Variants in VIT observed in about 807,000 individuals in gnomAD.
VIT encodes the protein vitrin.
Under a neutral mutation model 78.0 loss-of-function variants are expected in VIT, and 99 were observed. That is an observed-to-expected ratio of 1.27 (90% CI 1.08 to 1.50). The LOEUF (loss-of-function observed/expected upper bound fraction) is 1.50, where lower values mean the gene tolerates loss of function less well. Among genes scored for constraint, VIT ranks in the 40% most tolerant of loss-of-function variants. The pLI is 0.00. For missense variants in VIT, 1,126 were observed against 875.3 expected (o/e 1.29, Z -3.61); for synonymous variants, 374 against 334.3 (o/e 1.12, Z -1.29).
At chr2:36,740,006 T>A (rs1340714421) in intron 3 of VIT, among the ~76,000 whole-genome samples, 1 of 152,226 alleles carries the variant, frequency 6.6e-6, no homozygotes, top group Non-Finnish European at 1.5e-5. Context: ...GACACAGCAT[T>A]CCCCTCTGAC....
At chr2:36,759,547 C>T (rs1302773680) in intron 6 of VIT, 18 of 1,078,460 alleles carry the variant, frequency 1.7e-5, no homozygotes, top group Non-Finnish European at 1.9e-5. Context: ...AAGGGAGTAT[C>T]GGTAGACCTC....
intron 13 of VIT, among the ~76,000 whole-genome samples, chr2:36,804,656 C>G (rs543083371): frequency 6.6e-6 from 1 of 152,022 alleles, no homozygotes; most frequent in Admixed American, 6.6e-5. Flanking sequence ...ATGGTGAAAC[C>G]CCATCTCTAC....
intron 12 of VIT, among the ~76,000 whole-genome samples, chr2:36,798,125 T>C (rs1412289956): frequency 1.3e-5 from 2 of 152,144 alleles, no homozygotes; most frequent in Non-Finnish European, 2.9e-5. Flanking sequence ...AACATGATAG[T>C]TGGAAATTAA....
chr2:36,724,175 T>A (rs1666695616), intron 2 of VIT, among the ~76,000 whole-genome samples: 1 of 152,076 alleles, frequency 6.6e-6, no homozygotes, highest in South Asian at 2.1e-4. Flanking sequence ...CCAGCCACCA[T>A]GCCTGGCTAA....
intron 15 of VIT, among the ~76,000 whole-genome samples, chr2:36,809,495 G>T (rs544798973): frequency 6.6e-6 from 1 of 152,310 alleles, no homozygotes; most frequent in East Asian, 1.9e-4. Flanking sequence ...TCCAATCACT[G>T]CAACCTCTGC....
chr2:36,784,348 G>A (rs538289829), intron 11 of VIT, among the ~76,000 whole-genome samples: 10 of 152,274 alleles, frequency 6.6e-5, no homozygotes, highest in African/African-American at 2.4e-4. Context: ...TACTGTATCA[G>A]GTTCTCCCTA....
At chr2:36,715,721 C>T (rs1178050718) in intron 1 of VIT, among the ~76,000 whole-genome samples, 1 of 152,084 alleles carries the variant, frequency 6.6e-6, no homozygotes, top group Non-Finnish European at 1.5e-5. Context: ...TTTAAACTCC[C>T]AGGTGATACT....
chr2:36,797,538 G>A (rs1665994353), intron 12 of VIT, among the ~76,000 whole-genome samples: 1 of 152,220 alleles, frequency 6.6e-6, no homozygotes, highest in Non-Finnish European at 1.5e-5. Flanking sequence ...GGGGAGATGG[G>A]TGGTTGGGTG....
intron 1 of VIT, 27 bp from the exon 2 acceptor site, chr2:36,716,326 A>G (rs531382099): frequency 6.3e-7 from 1 of 1,597,522 alleles, no homozygotes; most frequent in South Asian, 1.1e-5. Context: ...CTGAAATATG[A>G]TGACGTTATT....
rs773605146 is a variant in VIT, at chr2:36,754,917, A to C, written c.276-4A>C. ...TCCTGAAAAATTATTTTTTCTCTTC[A>C]TAGTGGTGTGCTTGATAATTCAGGA... On this transcript the variant is annotated splice_region_variant and splice_polypyrimidine_tract_variant and intron_variant, in intron 4 of 15. Transcript: ENST00000379242. 3 of 1,612,262 alleles carry C rather than the reference A, an allele frequency of 1.9e-6. No individual in the cohort carries two copies. The highest frequency in any genetic ancestry group is 2.5e-6 in the Non-Finnish European group (3 of 1,179,456).
intron 5 of VIT, among the ~76,000 whole-genome samples, chr2:36,756,708 T>C (rs1379020802): frequency 1.3e-5 from 2 of 152,192 alleles, no homozygotes; most frequent in African/African-American, 2.4e-5. Context: ...GGTTTTTGCC[T>C]TGTAACAAAA....
chr2:36,736,032 T>C (rs915478390), intron 3 of VIT, among the ~76,000 whole-genome samples: 4 of 152,208 alleles, frequency 2.6e-5, no homozygotes, highest in Admixed American at 2.0e-4. Flanking sequence ...CTTACTGCAG[T>C]AATGAGAGTT....
At chr2:36,770,483 C>T (rs1236598101) in intron 7 of VIT, among the ~76,000 whole-genome samples, 1 of 152,168 alleles carries the variant, frequency 6.6e-6, no homozygotes, top group East Asian at 1.9e-4. Flanking sequence ...AAAGCCGCAT[C>T]ATGGCCCCTT....
Position 36,795,734 on chromosome 2 carries a change from G to C in VIT, c.1059-5567G>C, listed in dbSNP as rs140331403. Among the ~76,000 whole-genome samples the C allele has an allele frequency of 8.5e-3, 1,301 of 152,232 alleles. 8 individuals are homozygous for C. Among genetic ancestry groups the C allele is most frequent in the Non-Finnish European group, 0.014 (930 of 68,020 alleles). ...GCCTTCTTGTTTCAACTCTCTTCAA[G>C]TGTCCTTTCTGCAGTCTTTTTTTAG... On this transcript the variant is annotated intron_variant, in intron 12 of 15. Transcript: ENST00000379242.
At chr2:36,721,204 G>C (rs1666486746) in intron 2 of VIT, among the ~76,000 whole-genome samples, 1 of 152,142 alleles carries the variant, frequency 6.6e-6, no homozygotes, top group Non-Finnish European at 1.5e-5. Flanking sequence ...TAATTAGCTT[G>C]ATTTAATCAT....
intron 4 of VIT, among the ~76,000 whole-genome samples, chr2:36,754,714 A>T (rs1056781495): frequency 2.0e-5 from 3 of 152,206 alleles, no homozygotes; most frequent in African/African-American, 7.2e-5. Flanking sequence ...AAGAAGAAAG[A>T]GAAGGACATT....
chr2:36,699,614 A>G (rs62132515), intron 1 of VIT, among the ~76,000 whole-genome samples: 4,357 of 114,982 alleles, frequency 0.038, 83 homozygotes, highest in East Asian at 0.067. Flanking sequence ...ATAGATATAG[A>G]TAGATATATA....
rs1274085119 is a variant in VIT, at chr2:36,743,127, A to G, written c.146A>G (p.Lys49Arg). The G allele has an allele frequency of 6.2e-7, 1 of 1,614,066 alleles. No individual in the cohort carries two copies. Among genetic ancestry groups the G allele is most frequent in the South Asian group, 1.1e-5 (1 of 91,062 alleles). ...FTVPQINCDV[K>R]AGKIIDPEFI... is the part of the protein sequence containing the mutation. ...GTGCCTCAGATCAACTGCGATGTCA[A>G]AGCCGGAAAGATCATCGATCCTGAG... is the stretch of plus-strand genomic sequence containing the variant. Residue 49 changes from lysine to arginine, a missense_variant, in exon 4 of 16, where the codon AAA becomes AGA. Physicochemically the swap from Lys to Arg is conservative, Grantham distance 26. Coordinates refer to ENST00000379242, the MANE Select transcript of VIT (RefSeq NM_053276.4).
At chr2:36,711,200 GTCT>G (rs1397818305) in intron 1 of VIT, among the ~76,000 whole-genome samples, 2 of 152,242 alleles carry the variant, frequency 1.3e-5, no homozygotes, top group Non-Finnish European at 1.5e-5. Flanking sequence ...ATTATCAAGT[GTCT>G]TCTTCTTGCT....
Sources: gnomAD v4.1 joint callset for allele counts (sites outside exome capture counted in the v4.1 genomes callset) on GRCh38, gnomAD v4.1.1 for gene constraint, MANE v1.5 for transcripts, NCBI Gene and HGNC (gene_info 2026-07-23, HGNC 2026-07-21) for gene names.